Variants in OR2L13 observed in about 807,000 individuals in gnomAD.
OR2L13 encodes the protein olfactory receptor 2L13.
OR2L13 carries 14 observed loss-of-function variants against 15.3 expected under a neutral mutation model. That is an observed-to-expected ratio of 0.91 (90% CI 0.60 to 1.43). The LOEUF is 1.43. OR2L13 is among the 40% of genes most tolerant of loss of function. The pLI, the probability that OR2L13 is intolerant of heterozygous loss-of-function variation, is 0.00. For missense variants in OR2L13, 367 were observed against 387.9 expected (o/e 0.95, Z 0.45); for synonymous variants, 152 against 142.9 (o/e 1.06, Z -0.45).
chr1:248,066,172 T>C, the OR2L13 span, among the ~76,000 whole-genome samples: 6 of 152,240 alleles, frequency 3.9e-5, no homozygotes, highest in East Asian at 9.6e-4. Flanking sequence ...TTGTCTAAAA[T>C]TATAAAAGCA....
chr1:248,089,957 T>C, the OR2L13 span, among the ~76,000 whole-genome samples: 12,186 of 152,218 alleles, frequency 0.08, 610 homozygotes, highest in African/African-American at 0.14. Flanking sequence ...CTTTGAGATG[T>C]CCCATTTTTT....
At chr1:248,026,368 A>G in the OR2L13 span, among the ~76,000 whole-genome samples, 2 of 152,218 alleles carry the variant, frequency 1.3e-5, no homozygotes, top group Non-Finnish European at 2.9e-5. Flanking sequence ...AGGTCATTCA[A>G]AGGTCCTGCA....
the OR2L13 span, chr1:248,022,887 A>G: frequency 6.2e-7 from 1 of 1,600,102 alleles, no homozygotes; most frequent in Non-Finnish European, 8.5e-7. Context: ...GAAAATGTAG[A>G]CATACGTTCT....
chr1:247,999,402 A>G, the OR2L13 span, among the ~76,000 whole-genome samples: 3 of 152,160 alleles, frequency 2.0e-5, no homozygotes, highest in Non-Finnish European at 4.4e-5. Context: ...GCCTCAATGC[A>G]GGTTGTGACT....
chr1:248,086,323 C>T, the OR2L13 span, among the ~76,000 whole-genome samples: 1 of 152,114 alleles, frequency 6.6e-6, no homozygotes, highest in Non-Finnish European at 1.5e-5. Flanking sequence ...ATTGAATTCT[C>T]TTCTCTACAG....
At chr1:247,992,018 C>T in the OR2L13 span, among the ~76,000 whole-genome samples, 1 of 149,184 alleles carries the variant, frequency 6.7e-6, no homozygotes, top group African/African-American at 2.5e-5. Flanking sequence ...CCTTGAACAA[C>T]ATAGATCTGA....
chr1:247,942,941 C>T, the OR2L13 span, among the ~76,000 whole-genome samples: 9 of 151,624 alleles, frequency 5.9e-5, no homozygotes, highest in African/African-American at 2.0e-4. Context: ...AATTTCACTA[C>T]TCTGGGTACT....
At chr1:248,023,808 AGAG>A in the OR2L13 span, 1 of 152,304 alleles carries the variant, frequency 6.6e-6, no homozygotes, top group South Asian at 2.1e-4. Context: ...GTCTCTGAGG[AGAG>A]GAGGCAAGAA....
At chr1:248,058,117 T>C in the OR2L13 span, among the ~76,000 whole-genome samples, 1 of 152,164 alleles carries the variant, frequency 6.6e-6, no homozygotes, top group Non-Finnish European at 1.5e-5. Flanking sequence ...AACTGTCACA[T>C]AATTTTTACA....
the OR2L13 span, among the ~76,000 whole-genome samples, chr1:248,058,497 A>G: frequency 1.3e-5 from 2 of 152,148 alleles, no homozygotes; most frequent in African/African-American, 4.8e-5. Context: ...TTATTGCTAC[A>G]ATACAAAAAA....
At chr1:247,981,293 G>A in the OR2L13 span, among the ~76,000 whole-genome samples, 1 of 152,082 alleles carries the variant, frequency 6.6e-6, no homozygotes, top group Non-Finnish European at 1.5e-5. Flanking sequence ...TGTTGTTTTT[G>A]CGTAAAAATA....
At chr1:247,951,796 C>T in the OR2L13 span, among the ~76,000 whole-genome samples, 1 of 152,174 alleles carries the variant, frequency 6.6e-6, no homozygotes. Context: ...GGCATCCCAT[C>T]AGCAGTCACT....
chr1:248,081,688 A>G, the OR2L13 span, among the ~76,000 whole-genome samples: 1 of 152,214 alleles, frequency 6.6e-6, no homozygotes, highest in Non-Finnish European at 1.5e-5. Context: ...ATAATTAAAA[A>G]GAGTAGCAAA....
chr1:248,074,384 TAA>T, the OR2L13 span, among the ~76,000 whole-genome samples: 138 of 144,080 alleles, frequency 9.6e-4, no homozygotes, highest in African/African-American at 2.6e-3. Flanking sequence ...TAAAATGTGT[TAA>T]AAAAAAAAAA....
At chr1:247,986,803 T>G in the OR2L13 span, among the ~76,000 whole-genome samples, 5,901 of 152,182 alleles carry the variant, frequency 0.039, 353 homozygotes, top group African/African-American at 0.13. Flanking sequence ...AGTGGTTTGT[T>G]GTTCTCCTTG....
the OR2L13 span, among the ~76,000 whole-genome samples, chr1:248,079,599 G>A: frequency 1.3e-5 from 2 of 152,008 alleles, no homozygotes; most frequent in African/African-American, 2.4e-5. Context: ...GTATCTGTTC[G>A]GTAATAGAAA....
At chr1:247,973,346 T>G in the OR2L13 span, among the ~76,000 whole-genome samples, 1 of 152,190 alleles carries the variant, frequency 6.6e-6, no homozygotes, top group Non-Finnish European at 1.5e-5. Flanking sequence ...TTGCCTCTGT[T>G]TGCAGATGAC....
intron 1 of OR2L13, among the ~76,000 whole-genome samples, chr1:248,097,825 C>A (rs560620961): frequency 6.6e-6 from 1 of 152,288 alleles, no homozygotes; most frequent in Non-Finnish European, 1.5e-5. Context: ...TTCCAATTTC[C>A]AGGACATGTT....
chr1:247,965,246 T>C, the OR2L13 span: 1 of 1,115,904 alleles, frequency 9.0e-7, no homozygotes, highest in Non-Finnish European at 1.2e-6. Context: ...TCTAAACATG[T>C]AGATAGTTGC....
Sources: gnomAD v4.1 joint callset for allele counts (sites outside exome capture counted in the v4.1 genomes callset) on GRCh38, gnomAD v4.1.1 for gene constraint, MANE v1.5 for transcripts, NCBI Gene and HGNC (gene_info 2026-07-23, HGNC 2026-07-21) for gene names.